The following PCDHGA7 variants were observed in gnomAD, a reference collection of about 807,000 sequenced individuals.
PCDHGA7 encodes protocadherin gamma subfamily A, 7.
PCDHGA7 carries 44 observed loss-of-function variants against 58.3 expected under a neutral mutation model. That is an observed-to-expected ratio of 0.75 (90% confidence interval 0.59 to 0.97). The LOEUF (loss-of-function observed/expected upper bound fraction) is 0.97. PCDHGA7 is among the 50% of genes least tolerant of loss of function. PCDHGA7 has a pLI of 0.00. For synonymous variants in PCDHGA7, 516 were observed against 504.2 expected (o/e 1.02, Z -0.31); for missense variants, 1,266 against 1,188.7 (o/e 1.06, Z -0.96).
intron 1 of PCDHGA7, among the ~76,000 whole-genome samples, chr5:141,465,300 G>A (rs904996219): frequency 1.3e-5 from 2 of 152,112 alleles, no homozygotes; most frequent in Non-Finnish European, 2.9e-5. Flanking sequence ...TGAGAGTCCT[G>A]GGAATTTAGC....
At position 141,406,249 on chromosome 5, in the gene PCDHGA7, G is replaced by A. The variant is rs73279090; in HGVS notation, c.2424+20926G>A. Among the ~76,000 whole-genome samples, 1,262 of 152,022 alleles carry A rather than the reference G, an allele frequency of 8.3e-3. 17 individuals are homozygous for A. The highest frequency in any genetic ancestry group is 0.029 in the African/African-American group (1,198 of 41,452). On this transcript the variant is annotated intron_variant, in intron 1 of 3. Coordinates refer to ENST00000518325, the MANE Select transcript of PCDHGA7 (RefSeq NM_018920.4). ...CTAGCAAGCTATGTTGCCCAGACTG[G>A]TCTCAAACGATCTTCCTGCTTCAGT...
At chr5:141,415,458 C>G (rs2095871921) in intron 1 of PCDHGA7, 7 of 1,614,204 alleles carry the variant, frequency 4.3e-6, no homozygotes, top group Non-Finnish European at 5.1e-6. Context: ...CCCACGAGGT[C>G]TCTCTCACCG....
Position 141,490,672 on chromosome 5 carries a change from G to T in PCDHGA7, c.2425-4135G>T. The T allele has an allele frequency of 6.2e-7, 1 of 1,614,114 alleles. No homozygotes were observed. Among genetic ancestry groups the T allele is most frequent in the Non-Finnish European group, 8.5e-7 (1 of 1,179,996 alleles). ...GGGCTCCCTTCTTTGCACTGTGGCT[G>T]CCTCAGATCCAGACACTGGGGATAA... On this transcript the variant is annotated intron_variant, in intron 1 of 3. Coordinates refer to ENST00000518325, the MANE Select transcript of PCDHGA7 (RefSeq NM_018920.4). The surrounding 1 kb of genome is among the most constrained non-coding windows in gnomAD (Gnocchi z 5.4).
Position 141,487,193 on chromosome 5 carries a change from C to T in PCDHGA7, c.2425-7614C>T. 6.2e-7 allele frequency: 1 copy of T among 1,613,784 alleles called. No individual in the cohort carries two copies. Among genetic ancestry groups the T allele is most frequent in the Non-Finnish European group, 8.5e-7 (1 of 1,179,724 alleles). On this transcript the variant is annotated intron_variant, in intron 1 of 3. Transcript: ENST00000518325. The surrounding 1 kb of genome is among the most constrained non-coding windows in gnomAD (Gnocchi z 5.0). ...AGAGGAAGACACTCATCCAGTTGTC[C>T]CAGATCTTCGAGAATCTTCAGCTCC...
chr5:141,401,940 A>T (rs1423719749), intron 1 of PCDHGA7, among the ~76,000 whole-genome samples: 1 of 152,236 alleles, frequency 6.6e-6, no homozygotes, highest in Non-Finnish European at 1.5e-5. Flanking sequence ...AATAATGTTT[A>T]AGACCACTTT....
rs188283892 is a variant in PCDHGA7, at chr5:141,394,450, T to C, written c.2424+9127T>C. ...GGGGACCCGCCCCTCAGCAGCAACA[T>C]GTCACTGAGCCTGTTCGTGCTGGAC... On this transcript the variant is annotated intron_variant, in intron 1 of 3. Coordinates refer to ENST00000518325, the MANE Select transcript of PCDHGA7 (RefSeq NM_018920.4). 12 of 1,614,228 alleles carry C rather than the reference T, an allele frequency of 7.4e-6. No individual in the cohort carries two copies. In the South Asian group the frequency reaches 1.3e-4, roughly 18 times the overall value.
At chr5:141,450,786 C>A (rs1468388706) in intron 1 of PCDHGA7, among the ~76,000 whole-genome samples, 1 of 151,020 alleles carries the variant, frequency 6.6e-6, no homozygotes, top group Admixed American at 6.6e-5. Flanking sequence ...CGTGCCCGGA[C>A]CTCATGATTG....
At chr5:141,458,080 C>T (rs62379190) in intron 1 of PCDHGA7, among the ~76,000 whole-genome samples, 5,138 of 152,230 alleles carry the variant, frequency 0.034, 100 homozygotes, top group Middle Eastern at 0.088. Flanking sequence ...ACTATATTGC[C>T]GTAAGTTAAG....
In PCDHGA7 at chr5:141,485,269, C is replaced by T. The variant is rs760197007; in HGVS notation, c.2425-9538C>T. The T allele has an allele frequency of 6.2e-7, 1 of 1,614,090 alleles. No homozygotes were observed. Among genetic ancestry groups the T allele is most frequent in the Admixed American group, 1.7e-5 (1 of 60,028 alleles). On this transcript the variant is annotated intron_variant, in intron 1 of 3. Transcript: ENST00000518325. The surrounding 1 kb of genome is among the most constrained non-coding windows in gnomAD (Gnocchi z 5.7). ...TGGGTTACGTTTGTGGGCAGATCCG[C>T]TACCCGGTCCCAGAGGAGTCACAGG... is the stretch of plus-strand genomic sequence containing the variant.
chr5:141,421,255 C>T lies in PCDHGA7; in HGVS notation c.2424+35932C>T, dbSNP rs759899934. On this transcript the variant is annotated intron_variant, in intron 1 of 3. Coordinates refer to ENST00000518325, the MANE Select transcript of PCDHGA7 (RefSeq NM_018920.4). ...GGCGAATCGGCTACAGCGCGGGGAC[C>T]GCAGTCGGCTGCTGCTGCTGCTGTG... 5.2e-5 allele frequency: 84 copies of T among 1,607,644 alleles called. No individual in the cohort carries two copies. Among genetic ancestry groups the T allele is most frequent in the Non-Finnish European group, 6.8e-5 (80 of 1,177,916 alleles).
At chr5:141,423,529 C>T in intron 1 of PCDHGA7, 1 of 1,613,754 alleles carries the variant, frequency 6.2e-7, no homozygotes, top group South Asian at 1.1e-5. Flanking sequence ...GCAGAAGAGT[C>T]ACCTGATTTT....
At chr5:141,399,298 A>T (rs1451298331) in intron 1 of PCDHGA7, 1 of 1,613,850 alleles carries the variant, frequency 6.2e-7, no homozygotes, top group Non-Finnish European at 8.5e-7. Flanking sequence ...TTTTAAGATT[A>T]TCTCTTCATC....
At chr5:141,470,780 T>G (rs1436746772) in intron 1 of PCDHGA7, among the ~76,000 whole-genome samples, 1 of 152,194 alleles carries the variant, frequency 6.6e-6, no homozygotes, top group Non-Finnish European at 1.5e-5. Flanking sequence ...CTTGAATTCC[T>G]GGGCTCAAGC....
intron 1 of PCDHGA7, among the ~76,000 whole-genome samples, chr5:141,402,210 TTAAAA>T (rs1240114840): frequency 6.6e-6 from 1 of 152,008 alleles, no homozygotes; most frequent in African/African-American, 2.4e-5. Context: ...ATACAAAAAT[TTAAAA>T]TAAACGTTTT....
intron 1 of PCDHGA7, chr5:141,403,589 A>G (rs1447316737): frequency 1.2e-6 from 2 of 1,613,812 alleles, no homozygotes; most frequent in East Asian, 2.2e-5. Context: ...CCTGGTCCTC[A>G]CGGCCTCGGA....
In PCDHGA7 at chr5:141,405,177, G is replaced by C. The variant is rs370032217; in HGVS notation, c.2424+19854G>C. On this transcript the variant is annotated intron_variant, in intron 1 of 3. Coordinates refer to ENST00000518325, the MANE Select transcript of PCDHGA7 (RefSeq NM_018920.4). Reference sequence around the variant, plus strand: ...GGTGTGCCCACCTCACACTTTGTGGGTGTAGATGGGGTTCGAGCTTTCCTA... The same window carrying C: ...GGTGTGCCCACCTCACACTTTGTGGCTGTAGATGGGGTTCGAGCTTTCCTA... 1.6e-5 allele frequency: 26 copies of C among 1,614,140 alleles called. No homozygotes were observed. The highest frequency in any genetic ancestry group is 2.0e-5 in the Non-Finnish European group (24 of 1,180,024).
rs199698737 is a variant in PCDHGA7, at chr5:141,438,639, C to T, written c.2424+53316C>T. On this transcript the variant is annotated intron_variant, in intron 1 of 3. Transcript: ENST00000518325. ...ATATATATATATATATATATATACA[C>T]ACACACACACACATATATGTATATA... 7.1e-3 allele frequency among the ~76,000 whole-genome samples: 359 copies of T among 50,816 alleles called. 1 individual carries two copies. Among genetic ancestry groups the T allele is most frequent in the South Asian group, 0.017 (27 of 1,588 alleles). The allele number at this position is 50,816 out of a possible 152,430, so 33.3% of individuals were successfully genotyped here.
At chr5:141,474,871 A>G (rs894657981) in intron 1 of PCDHGA7, among the ~76,000 whole-genome samples, 5 of 152,236 alleles carry the variant, frequency 3.3e-5, no homozygotes, top group African/African-American at 1.2e-4. Context: ...ATAGGATAGG[A>G]GCAGGAACTC....
intron 1 of PCDHGA7, chr5:141,427,328 T>G (rs951396612): frequency 1.6e-4 from 74 of 457,122 alleles, no homozygotes; most frequent in Admixed American, 1.2e-3. Context: ...TGGTTTTTAC[T>G]TCAGTGTCCA....
Sources: gnomAD v4.1 joint callset for allele counts (sites outside exome capture counted in the v4.1 genomes callset) on GRCh38, gnomAD v4.1.1 for gene constraint, Gnocchi (gnomAD v3.1) non-coding constraint, MANE v1.5 for transcripts, NCBI Gene and HGNC (gene_info 2026-07-23, HGNC 2026-07-21) for gene names.